LDLRAD4: variants seen among roughly 807,000 people sequenced by gnomAD.
The protein encoded by LDLRAD4 is low density lipoprotein receptor class A domain containing 4, also known as low-density lipoprotein receptor class A domain-containing protein 4.
LDLRAD4 carries 5 observed loss-of-function variants against 17.0 expected under a neutral mutation model. The observed-to-expected ratio is 0.29, with a 90% confidence interval of 0.15 to 0.62. LDLRAD4 has a LOEUF of 0.62. Among genes scored for constraint, LDLRAD4 ranks in the 20% least tolerant of loss-of-function variants. The pLI is 0.84. For synonymous variants in LDLRAD4, 168 were observed against 171.8 expected, an observed-to-expected ratio of 0.98 and a Z score of 0.17; for missense variants, 340 against 424.7, an observed-to-expected ratio of 0.80 and a Z score of 1.75.
intron 3 of LDLRAD4, among the ~76,000 whole-genome samples, chr18:13,610,939 C>T (rs1046271599): frequency 2.0e-5 from 3 of 152,164 alleles, no homozygotes; most frequent in Admixed American, 6.5e-5. Context: ...TCCGGATTTC[C>T]CTCGCGGCTG....
intron 1 of LDLRAD4, among the ~76,000 whole-genome samples, chr18:13,310,629 TCCTC>T (rs1350962470): frequency 6.6e-6 from 1 of 152,038 alleles, no homozygotes; most frequent in East Asian, 1.9e-4. Context: ...CACCTCCTCT[TCCTC>T]CCTCAGTCTT....
In LDLRAD4 at chr18:13,367,260, G is replaced by A. The variant is rs1422887757; in HGVS notation, c.-382-20081G>A. On this transcript the variant is annotated intron_variant, in intron 1 of 5. Transcript: ENST00000359446. This position sits in a 1 kb window ranked among gnomAD's most constrained non-coding sequence, Gnocchi z 4.1. The stretch of plus-strand genomic sequence containing the variant: ...GAAATAAACTCCTCAGATGATTTTG[G>A]TTCACACAGAGTCAGAACCGCTGTG... Among the ~76,000 whole-genome samples, 2 of 152,200 alleles carry A rather than the reference G, an allele frequency of 1.3e-5. No individual in the cohort carries two copies. The highest frequency in any genetic ancestry group is 6.5e-5 in the Admixed American group (1 of 15,294).
At chr18:13,532,972 C>G (rs1196479602) in intron 3 of LDLRAD4, among the ~76,000 whole-genome samples, 1 of 152,220 alleles carries the variant, frequency 6.6e-6, no homozygotes, top group Non-Finnish European at 1.5e-5. Flanking sequence ...AGAAGCAAAA[C>G]AACACTCGGG....
intron 1 of LDLRAD4, among the ~76,000 whole-genome samples, chr18:13,368,460 C>T (rs2084231719): frequency 6.6e-6 from 1 of 152,120 alleles, no homozygotes; most frequent in African/African-American, 2.4e-5. Context: ...ACAGCCTTGC[C>T]TACACCAGAA....
chr18:13,572,739 G>A (rs966797085), intron 3 of LDLRAD4, among the ~76,000 whole-genome samples: 1 of 152,218 alleles, frequency 6.6e-6, no homozygotes, highest in African/African-American at 2.4e-5. Context: ...ACCAGCAGGT[G>A]TTTTGGAGGT....
At chr18:13,479,552 C>T (rs991026131) in intron 3 of LDLRAD4, among the ~76,000 whole-genome samples, 4 of 151,948 alleles carry the variant, frequency 2.6e-5, no homozygotes, top group Admixed American at 1.3e-4. Context: ...ACCCGGGAGG[C>T]GGAGGCTGCA....
intron 1 of LDLRAD4, among the ~76,000 whole-genome samples, chr18:13,334,839 AT>A (rs2143847289): frequency 6.6e-6 from 1 of 152,224 alleles, no homozygotes; most frequent in East Asian, 1.9e-4. Context: ...TTTTTTGTAG[AT>A]GTTGTTTATC....
intron 3 of LDLRAD4, among the ~76,000 whole-genome samples, chr18:13,557,596 T>C (rs145075879): frequency 0.042 from 6,364 of 152,252 alleles, 459 homozygotes; most frequent in East Asian, 0.31. Flanking sequence ...GAGATGGGGT[T>C]TCACCGTGTT....
chr18:13,612,814 T>C (rs759052642), intron 3 of LDLRAD4: 2 of 1,612,276 alleles, frequency 1.2e-6, no homozygotes, highest in African/African-American at 1.3e-5. Context: ...TGCATGCTCT[T>C]TCGGGTTTGC....
In LDLRAD4 at chr18:13,617,879, G is replaced by A. The variant is rs545038952; in HGVS notation, c.182-3238G>A. On this transcript the variant is annotated intron_variant, in intron 3 of 5. Transcript: ENST00000359446. Reference sequence around the variant, plus strand: ...CATGGGGAACATGCCTTCTTCCTGGGACAGCCTAAACGAATGCAGCCTTTA... The same window carrying A: ...CATGGGGAACATGCCTTCTTCCTGGAACAGCCTAAACGAATGCAGCCTTTA... Among the ~76,000 whole-genome samples the A allele has an allele frequency of 1.2e-3, 186 of 152,306 alleles. 1 individual carries two copies. The highest frequency in any genetic ancestry group is 6.8e-3 in the Middle Eastern group (2 of 294).
intron 3 of LDLRAD4, among the ~76,000 whole-genome samples, chr18:13,460,668 G>A (rs2092384619): frequency 1.3e-5 from 2 of 152,006 alleles, no homozygotes; most frequent in African/African-American, 2.4e-5. Context: ...TAGTGATGAG[G>A]GTATTTAAGG....
In LDLRAD4 at chr18:13,611,884, C is replaced by G. The variant is rs537011102; in HGVS notation, c.182-9233C>G. 16 of 985,376 alleles carry G rather than the reference C, an allele frequency of 1.6e-5. No individual in the cohort carries two copies. The East Asian group carries it at 1.8e-3, about 112-fold the overall frequency. The allele number at this position is 985,376 out of a possible 1,614,324, so 61.0% of individuals were successfully genotyped here. ...CGGTGGCAAGAGCCGCTGGGAGCTG[C>G]TCCCATCAGTTAGAGGATGTGGAGA... On this transcript the variant is annotated intron_variant, in intron 3 of 5. Coordinates refer to ENST00000359446, the Ensembl canonical transcript of LDLRAD4.
chr18:13,480,420 C>T (rs918536972), intron 3 of LDLRAD4, among the ~76,000 whole-genome samples: 7 of 151,960 alleles, frequency 4.6e-5, no homozygotes, highest in African/African-American at 1.2e-4. Context: ...GAGGGAGGGA[C>T]GATTAGGAGG....
chr18:13,554,902 A>G (rs2094469103), intron 3 of LDLRAD4, among the ~76,000 whole-genome samples: 1 of 152,102 alleles, frequency 6.6e-6, no homozygotes, highest in Non-Finnish European at 1.5e-5. Context: ...TGGTAGAGAA[A>G]CCTGACAAAC....
chr18:13,225,917 A>G (rs2041758061), intron 1 of LDLRAD4, among the ~76,000 whole-genome samples: 1 of 152,170 alleles, frequency 6.6e-6, no homozygotes, highest in Non-Finnish European at 1.5e-5. Flanking sequence ...TTATTTTTTT[A>G]AAACCAGTTT....
intron 1 of LDLRAD4, among the ~76,000 whole-genome samples, chr18:13,321,736 C>G (rs1004070389): frequency 2.6e-5 from 4 of 151,550 alleles, no homozygotes; most frequent in African/African-American, 9.7e-5. Context: ...TGATGTGTGC[C>G]TGTAATTTCA....
intron 1 of LDLRAD4, among the ~76,000 whole-genome samples, chr18:13,321,933 A>C (rs2081268973): frequency 6.9e-6 from 1 of 145,958 alleles, no homozygotes; most frequent in African/African-American, 2.5e-5. Context: ...GAATAAACAC[A>C]CAGACTTAAA....
At chr18:13,467,276 A>G (rs4797778) in intron 3 of LDLRAD4, among the ~76,000 whole-genome samples, 28,835 of 152,264 alleles carry the variant, frequency 0.19, 3,398 homozygotes, top group East Asian at 0.49. Flanking sequence ...AGCTACTAGA[A>G]CAAATAGATG....
intron 4 of LDLRAD4, among the ~76,000 whole-genome samples, chr18:13,625,357 G>A (rs1347445347): frequency 4.6e-5 from 7 of 152,160 alleles, no homozygotes; most frequent in African/African-American, 9.7e-5. Flanking sequence ...CAATAGGATG[G>A]GAGTGAGTTT....
Sources: gnomAD v4.1 joint callset for allele counts (sites outside exome capture counted in the v4.1 genomes callset) on GRCh38, gnomAD v4.1.1 for gene constraint, Gnocchi (gnomAD v3.1) non-coding constraint, MANE v1.5 for transcripts, NCBI Gene and HGNC (gene_info 2026-07-23, HGNC 2026-07-21) for gene names.